The following CWF19L1 variants were observed in gnomAD, a reference collection of about 807,000 sequenced individuals.
CWF19L1 encodes the protein CWF19 like cell cycle control factor 1.
Under a neutral mutation model 69.7 loss-of-function variants are expected in CWF19L1, and 60 were observed. The ratio of observed to expected loss-of-function variants is 0.86; its 90% CI spans 0.70 to 1.07. CWF19L1 has a LOEUF of 1.07. CWF19L1 is among the 50% of genes least tolerant of loss of function. The pLI is 0.00. For synonymous variants in CWF19L1, 209 were observed against 222.2 expected, an observed-to-expected ratio of 0.94 and a Z score of 0.53; for missense variants, 591 against 638.9, an observed-to-expected ratio of 0.92 and a Z score of 0.81.
Position 100,260,971 on chromosome 10 carries a change from T to C in CWF19L1, c.182A>G (p.Lys61Arg), listed in dbSNP as rs758173109. 1.9e-6 allele frequency: 3 copies of C among 1,599,306 alleles called. No individual in the cohort carries two copies. The highest frequency in any genetic ancestry group is 2.6e-6 in the Non-Finnish European group (3 of 1,169,696). ...AATAAAAATAATTTCTATACCTTTC[T>C]TGATGCCAGTCTTATACTCCTCCCA... ...AEWEEYKTGI[K>R]KAPIQTYVLG... is the part of the protein sequence containing the mutation. Residue 61 changes from lysine to arginine, a missense_variant, in exon 3 of 14, where the codon AAG (lysine) becomes AGG (arginine). Lys to Arg is a conservative substitution (Grantham distance 26). This residue lies in a region of CWF19L1 where 129 missense variants were observed against 131.3 expected (regional missense o/e 0.98). Coordinates refer to ENST00000354105, the MANE Select transcript of CWF19L1 (RefSeq NM_018294.6).
chr10:100,243,768 G>A lies in CWF19L1; in HGVS notation c.974C>T (p.Pro325Leu). 3.1e-6 allele frequency: 5 copies of A among 1,614,088 alleles called. No individual in the cohort carries two copies. Among genetic ancestry groups the A allele is most frequent in the Non-Finnish European group, 4.2e-6 (5 of 1,179,938 alleles). ...PKQPRKPPQP[P>L]GPCWFCLASP... ...AGCAAGGCAAAACCAGCAGGGTCCT[G>A]GAGGCTGAGCTTCATGTAAAAGAAA... is the stretch of plus-strand genomic sequence containing the variant. Residue 325 changes from proline to leucine, a missense_variant, in exon 10 of 14, where the codon CCA (proline) becomes CTA (leucine). Pro to Leu is a moderately conservative substitution (Grantham distance 98). This residue lies in a region of CWF19L1 where 458 missense variants were observed against 489.3 expected (regional missense o/e 0.94). Transcript: ENST00000354105.
At position 100,266,682 on chromosome 10, in the gene CWF19L1, A is replaced by ATT. The variant is rs35028554; in HGVS notation, c.23+887_23+888dup. Among the ~76,000 whole-genome samples the ATT allele has an allele frequency of 1.6e-4, 22 of 135,104 alleles. 1 individual carries two copies. The highest frequency in any genetic ancestry group is 4.8e-4 in the African/African-American group (17 of 35,384). 88.6% of individuals were successfully genotyped at this position (135,104 alleles called of 152,430 possible). A position where few individuals can be genotyped will look rare whatever the true frequency, so the allele number is the denominator to read the frequency against. On this transcript the variant is annotated intron_variant, in intron 1 of 13. Transcript: ENST00000354105. ...AGGCACGCGCCACCACGCCTGGCTAATTTTTTTTTTTTGTATTAGTAGAGA... is the reference window on the plus strand; with the variant it reads ...AGGCACGCGCCACCACGCCTGGCTAATTTTTTTTTTTTTTGTATTAGTAGAGA...
intron 9 of CWF19L1, among the ~76,000 whole-genome samples, chr10:100,245,025 CTTT>C (rs5787375): frequency 1.4e-5 from 2 of 142,764 alleles, no homozygotes; most frequent in Non-Finnish European, 1.5e-5. Flanking sequence ...AGAATATCAA[CTTT>C]TTTTTTTTTT....
chr10:100,265,451 T>G (rs562297256), intron 1 of CWF19L1, among the ~76,000 whole-genome samples: 1 of 151,462 alleles, frequency 6.6e-6, no homozygotes, highest in African/African-American at 2.4e-5. Flanking sequence ...GCAAACTCCA[T>G]TCATGATAAG....
rs1346497238 is a variant in CWF19L1, at chr10:100,261,978, C to T, written c.108+1G>A. ...AAATTCAGTAAAAACAAACATCTTA[C>T]ATCAAAGTTTCCACTTTTCTTCTGA... On this transcript the variant is annotated splice_donor_variant, in intron 2 of 13. Transcript: ENST00000354105. LOFTEE classifies it high-confidence loss of function. 4 of 1,592,876 alleles carry T rather than the reference C, an allele frequency of 2.5e-6. No individual in the cohort carries two copies. The Admixed American group carries it at 5.6e-5, about 22-fold the overall frequency.
At chr10:100,239,076 G>A (rs1309203279) in intron 10 of CWF19L1, among the ~76,000 whole-genome samples, 5 of 141,556 alleles carry the variant, frequency 3.5e-5, no homozygotes, top group Non-Finnish European at 4.5e-5. Context: ...GCCTTAAGCT[G>A]CTGACTAAAT....
chr10:100,267,441 T>C lies in CWF19L1; in HGVS notation c.23+130A>G, dbSNP rs1014675725. 7.0e-6 allele frequency: 11 copies of C among 1,580,056 alleles called. No individual in the cohort carries two copies. The Admixed American group carries it at 1.8e-4, about 26-fold the overall frequency. On this transcript the variant is annotated intron_variant, in intron 1 of 13. Transcript: ENST00000354105. Reference sequence around the variant, plus strand: ...GGCCAGGCAAAGACATCACCTAAGCTCCCCAGCAGCCCCGTGTCTCTCCGC... The same window carrying C: ...GGCCAGGCAAAGACATCACCTAAGCCCCCCAGCAGCCCCGTGTCTCTCCGC...
Position 100,233,167 on chromosome 10 carries a change from A to T in CWF19L1, c.*60T>A, listed in dbSNP as rs1368111351. The stretch of plus-strand genomic sequence containing the variant: ...TGTCTCAAAAAAAATTCTTTTAATT[A>T]AAAAAAAAAAAAAGCTTTACTACTT... On this transcript the variant is annotated 3_prime_UTR_variant, in exon 14 of 14. Transcript: ENST00000354105. The T allele has an allele frequency of 3.0e-5, 5 of 169,168 alleles. No individual in the cohort carries two copies. The highest frequency in any genetic ancestry group is 1.7e-4 in the South Asian group (1 of 5,974). 10.5% of individuals were successfully genotyped at this position (169,168 alleles called of 1,614,324 possible).
At chr10:100,236,705 G>A (rs559354221) in intron 12 of CWF19L1, 145 bp downstream of exon 12, 3 of 884,640 alleles carry the variant, frequency 3.4e-6, no homozygotes, top group East Asian at 5.8e-5. Context: ...GGAAGGCGGA[G>A]GTTGCAGTGA....
intron 10 of CWF19L1, among the ~76,000 whole-genome samples, chr10:100,242,004 C>A (rs1340676004): frequency 6.6e-6 from 1 of 152,062 alleles, no homozygotes; most frequent in Admixed American, 6.6e-5. Flanking sequence ...TGAAAAAGAA[C>A]AATGGTCTAC....
rs995950396 is a variant in CWF19L1, at chr10:100,248,500, C to T, written c.709-1565G>A. 8 of 680,262 alleles carry T rather than the reference C, an allele frequency of 1.2e-5. No homozygotes were observed. In the Admixed American group the frequency reaches 1.5e-4, roughly 13 times the overall value. The allele number at this position is 680,262 out of a possible 1,614,324, so 42.1% of individuals were successfully genotyped here. ...TGACCATGTAATGTGCCAGTCATCACTGATAGCAAAGATTTACAGAATGTC... is the reference window on the plus strand; with the variant it reads ...TGACCATGTAATGTGCCAGTCATCATTGATAGCAAAGATTTACAGAATGTC... On this transcript the variant is annotated intron_variant, in intron 7 of 13. Coordinates refer to ENST00000354105, the MANE Select transcript of CWF19L1 (RefSeq NM_018294.6).
intron 7 of CWF19L1, among the ~76,000 whole-genome samples, chr10:100,247,929 T>G: frequency 6.6e-6 from 1 of 150,728 alleles, no homozygotes; most frequent in Non-Finnish European, 1.5e-5. Context: ...CTTGATCCAG[T>G]GAGAAATATG....
intron 7 of CWF19L1, among the ~76,000 whole-genome samples, chr10:100,249,633 G>A (rs891570520): frequency 2.6e-5 from 4 of 151,976 alleles, no homozygotes; most frequent in Non-Finnish European, 5.9e-5. Context: ...CACCCAGGCT[G>A]GAGTGCAGTG....
chr10:100,235,548 A>G, intron 13 of CWF19L1, 119 bp downstream of exon 13: 1 of 652,834 alleles, frequency 1.5e-6, no homozygotes, highest in Non-Finnish European at 2.7e-6. Flanking sequence ...CCCTAAGACC[A>G]TGGGTCCTCT....
At chr10:100,250,704 G>C (rs1185545249) in intron 6 of CWF19L1, among the ~76,000 whole-genome samples, 1 of 152,116 alleles carries the variant, frequency 6.6e-6, no homozygotes, top group Non-Finnish European at 1.5e-5. Context: ...CAGGCACTTT[G>C]GGAGGCTGAG....
Position 100,261,034 on chromosome 10 carries a change from CACA to C in CWF19L1, c.116_118del (p.Leu39del). ...GGTGGAGCCAAAGAAATTTCCTACA[CACA>C]ACAGCAGCTAAAATGAGTTTTTTAA... On this transcript the variant is annotated inframe_deletion, in exon 3 of 14. Coordinates refer to ENST00000354105, the MANE Select transcript of CWF19L1 (RefSeq NM_018294.6). 12 of 1,612,082 alleles carry C rather than the reference CACA, an allele frequency of 7.4e-6. No individual in the cohort carries two copies. The highest frequency in any genetic ancestry group is 1.0e-5 in the Non-Finnish European group (12 of 1,178,516).
intron 6 of CWF19L1, among the ~76,000 whole-genome samples, chr10:100,251,422 T>C (rs1432096185): frequency 6.6e-6 from 1 of 152,138 alleles, no homozygotes; most frequent in East Asian, 1.9e-4. Context: ...TCCTAGTGGG[T>C]ATGAAGTGGT....
At chr10:100,236,008 C>T (rs533061096) in intron 12 of CWF19L1, among the ~76,000 whole-genome samples, 16 of 152,190 alleles carry the variant, frequency 1.1e-4, no homozygotes, top group African/African-American at 3.9e-4. Context: ...ATTTCTTGCT[C>T]TTCCCAGGAA....
intron 6 of CWF19L1, 71 bp from the exon 7 acceptor site, chr10:100,250,403 A>T: frequency 1.1e-6 from 1 of 913,162 alleles, no homozygotes; most frequent in East Asian, 2.4e-5. Flanking sequence ...AAATATGTGG[A>T]CTCTATGGGG....
Sources: allele counts gnomAD v4.1 joint callset (sites outside exome capture counted in the v4.1 genomes callset), GRCh38; gene constraint gnomAD v4.1.1; regional missense constraint gnomAD v4.1.1; transcripts MANE v1.5; gene names NCBI Gene and HGNC (gene_info 2026-07-23, HGNC 2026-07-21).